The following MID1 variants were observed in gnomAD, a reference collection of about 807,000 sequenced individuals.
The protein encoded by MID1 is E3 ubiquitin-protein ligase Midline-1.
In MID1, 7 loss-of-function variants were observed where a neutral mutation model predicts 40.4. That is an observed-to-expected ratio of 0.17 (90% confidence interval 0.10 to 0.33). The LOEUF (loss-of-function observed/expected upper bound fraction) is 0.33, where lower values mean the gene tolerates loss of function less well. Ranked by LOEUF, MID1 falls within the 10% of genes least tolerant of loss-of-function variation. The pLI, the probability that MID1 is intolerant of heterozygous loss-of-function variation, is 1.00. For missense variants in MID1, 367 were observed against 558.5 expected, an observed-to-expected ratio of 0.66 and a Z score of 3.46; for synonymous variants, 229 against 221.2, an observed-to-expected ratio of 1.04 and a Z score of -0.31.
intron 1 of MID1, among the ~76,000 whole-genome samples, chrX:10,646,126 T>A (rs1402376750): frequency 8.9e-6 from 1 of 111,755 alleles, no homozygotes; most frequent in African/African-American, 3.3e-5. Context: ...ACAAACTTCC[T>A]CTAAGGAAGC....
chrX:10,753,138 C>T (rs2043610364), intron 1 of MID1, among the ~76,000 whole-genome samples: 1 of 112,214 alleles, frequency 8.9e-6, no homozygotes, highest in South Asian at 3.7e-4. Context: ...CCAGCTTGCA[C>T]ATGTAAATCC....
At chrX:10,505,874 G>C in intron 3 of MID1, 1 of 753,643 alleles carries the variant, frequency 1.3e-6, no homozygotes, top group East Asian at 1.5e-4. Flanking sequence ...TACTGAGTTG[G>C]ACCCCTTTTT....
At position 10,580,933 on chromosome X, in the gene MID1, TA is replaced by T. The variant is rs757426965; in HGVS notation, c.-56-13331del. On this transcript the variant is annotated intron_variant, in intron 1 of 9. Coordinates refer to ENST00000317552, the MANE Select transcript of MID1 (RefSeq NM_000381.4). Reference sequence around the variant, plus strand: ...CTGACACTGTCAATGTGGTGTCCTGTAAAAAAAAAAAAAAAAAAAAAAAAAC... The same window carrying T: ...CTGACACTGTCAATGTGGTGTCCTGTAAAAAAAAAAAAAAAAAAAAAAAAC... 4.9e-3 allele frequency among the ~76,000 whole-genome samples: 289 copies of T among 58,482 alleles called. 3 individuals are homozygous for T. Among genetic ancestry groups the T allele is most frequent in the African/African-American group, 0.012 (198 of 16,074 alleles). The allele number at this position is 58,482 out of a possible 115,157, so 50.8% of individuals were successfully genotyped here.
At chrX:10,721,711 T>C (rs1322245890) in intron 1 of MID1, among the ~76,000 whole-genome samples, 1 of 87,856 alleles carries the variant, frequency 1.1e-5, no homozygotes, top group African/African-American at 3.7e-5. Context: ...GCAAAAGGGA[T>C]TTAAATCTAA....
chrX:10,730,310 C>A (rs1424070062), intron 1 of MID1, among the ~76,000 whole-genome samples: 2 of 110,124 alleles, frequency 1.8e-5, no homozygotes, highest in African/African-American at 6.6e-5. Context: ...AAATCAAGAT[C>A]TAATTTTAAA....
intron 3 of MID1, among the ~76,000 whole-genome samples, chrX:10,503,425 G>A (rs1296151123): frequency 8.9e-6 from 1 of 112,199 alleles, no homozygotes; most frequent in Non-Finnish European, 1.9e-5. Context: ...GAATGGCCTG[G>A]CTCCTGAGGT....
At chrX:10,505,651 A>G in intron 3 of MID1, 4 of 753,696 alleles carry the variant, frequency 5.3e-6, no homozygotes, top group Non-Finnish European at 6.3e-6. Flanking sequence ...TCAGAGGGTA[A>G]ACAATAACTT....
chrX:10,780,844 A>G (rs2043840449), intron 1 of MID1, among the ~76,000 whole-genome samples: 1 of 111,673 alleles, frequency 9.0e-6, no homozygotes, highest in Admixed American at 9.5e-5. Context: ...ATCATCAGGC[A>G]TTAGTTAGAT....
chrX:10,651,057 T>G (rs995520743), intron 1 of MID1, among the ~76,000 whole-genome samples: 11 of 111,907 alleles, frequency 9.8e-5, no homozygotes, highest in Non-Finnish European at 2.1e-4. Context: ...AAGGTTTATT[T>G]AATGTTCATA....
At chrX:10,460,006 C>T in intron 7 of MID1, 199 bp from the exon 8 acceptor site, 2 of 468,958 alleles carry the variant, frequency 4.3e-6, no homozygotes, top group Non-Finnish European at 7.5e-6. Flanking sequence ...TCTCCCTGCC[C>T]TGTATATCCA....
intron 3 of MID1, chrX:10,506,259 C>T: frequency 1.0e-6 from 1 of 1,004,653 alleles, no homozygotes; most frequent in East Asian, 3.7e-5. Context: ...GAAAAAGAGA[C>T]TTGTGCTATC....
intron 1 of MID1, among the ~76,000 whole-genome samples, chrX:10,736,794 A>ATG (rs2043490771): frequency 8.9e-6 from 1 of 112,349 alleles, no homozygotes; most frequent in Non-Finnish European, 1.9e-5. Flanking sequence ...ACCTAAACCA[A>ATG]GAGGTGGCAC....
chrX:10,636,806 A>ATATATATATATATATT (rs1936121859), intron 1 of MID1, among the ~76,000 whole-genome samples: 2 of 89,100 alleles, frequency 2.2e-5, no homozygotes, highest in South Asian at 1.1e-3. Context: ...ATATATATAT[A>ATATATATATATATATT]TATATATATA....
chrX:10,772,558 TGGA>T (rs1327593268), intron 1 of MID1, among the ~76,000 whole-genome samples: 3 of 107,954 alleles, frequency 2.8e-5, no homozygotes, highest in African/African-American at 1.0e-4. Context: ...GAATAACCCA[TGGA>T]AATAAAAAAT....
At chrX:10,505,961 T>C in intron 3 of MID1, 1 of 755,041 alleles carries the variant, frequency 1.3e-6, no homozygotes, top group Non-Finnish European at 1.6e-6. Context: ...TTCTGCTCTT[T>C]GGTATTCCGT....
At chrX:10,671,238 A>G (rs149970392) in intron 1 of MID1, among the ~76,000 whole-genome samples, 2,776 of 111,881 alleles carry the variant, frequency 0.025, 42 homozygotes, top group African/African-American at 0.049. Flanking sequence ...ATTGTTTGTT[A>G]AGCAAGGCAG....
At chrX:10,483,042 G>A (rs1930429338) in intron 4 of MID1, among the ~76,000 whole-genome samples, 1 of 112,215 alleles carries the variant, frequency 8.9e-6, no homozygotes, top group Admixed American at 9.4e-5. Flanking sequence ...TATAGGTGGT[G>A]AATCTATGGT....
intron 1 of MID1, among the ~76,000 whole-genome samples, chrX:10,617,000 T>C (rs1213291825): frequency 8.9e-6 from 1 of 112,174 alleles, no homozygotes; most frequent in Non-Finnish European, 1.9e-5. Flanking sequence ...CTGTTAAGAG[T>C]CTGGACTTTC....
chrX:10,448,659 C>A lies in MID1; in HGVS notation c.*709G>T, dbSNP rs1928143893. On this transcript the variant is annotated 3_prime_UTR_variant, in exon 10 of 10. Coordinates refer to ENST00000317552, the MANE Select transcript of MID1 (RefSeq NM_000381.4). Reference sequence around the variant, plus strand: ...TTAATGTTCTTCCAGAACCCTTAACCCTGAGAGAAGCAGGGCAAAATGTGG... The same window carrying A: ...TTAATGTTCTTCCAGAACCCTTAACACTGAGAGAAGCAGGGCAAAATGTGG... The A allele has an allele frequency of 8.9e-6, 1 of 111,948 alleles. No homozygotes were observed. The highest frequency in any genetic ancestry group is 3.8e-4 in the South Asian group (1 of 2,658). 9.2% of individuals were successfully genotyped at this position (111,948 alleles called of 1,213,427 possible).
Sources: gnomAD v4.1 joint callset for allele counts (sites outside exome capture counted in the v4.1 genomes callset) on GRCh38, gnomAD v4.1.1 for gene constraint, MANE v1.5 for transcripts, NCBI Gene and HGNC (gene_info 2026-07-23, HGNC 2026-07-21) for gene names.